GLUL: variants seen among roughly 807,000 people sequenced by gnomAD.
GLUL encodes the protein glutamate-ammonia ligase.
A neutral mutation model predicts 36.9 loss-of-function variants in GLUL; 8 were observed. The observed-to-expected ratio is 0.22, with a 90% CI of 0.13 to 0.39. The LOEUF (loss-of-function observed/expected upper bound fraction) is 0.39. Among genes scored for constraint, GLUL ranks in the 10% least tolerant of loss-of-function variants. The probability of loss-of-function intolerance (pLI) is 1.00; values close to 1 mark genes in which losing one functional copy is unlikely to be tolerated. For missense variants in GLUL, 315 were observed against 501.8 expected (o/e 0.63, Z 3.56); for synonymous variants, 182 against 172.8 (o/e 1.05, Z -0.42).
chr1:182,388,559 A>G lies in GLUL; in HGVS notation c.166+13T>C, dbSNP rs765736280. 6 of 1,612,496 alleles carry G rather than the reference A, an allele frequency of 3.7e-6. No homozygotes were observed. The Admixed American group carries it at 5.0e-5, about 13-fold the overall frequency. ...CCACCCAGCATGTGCTCCACTCCAC[A>G]TTGCTGTCTCACCTTCCACACACTT... On this transcript the variant is annotated intron_variant, in intron 2 of 6. Transcript: ENST00000331872.
At position 182,379,424 on chromosome 1, in the gene GLUL, T is replaced by C. The variant is rs1649847209; in HGVS notation, c.*4981A>G. ...TTTTAATAGAGACAAGGTTTCACCATGTTGGCCACGCTGGTCTCGAACTCC... is the reference window on the plus strand; with the variant it reads ...TTTTAATAGAGACAAGGTTTCACCACGTTGGCCACGCTGGTCTCGAACTCC... On this transcript the variant is annotated 3_prime_UTR_variant, in exon 7 of 7. Coordinates refer to ENST00000331872, the MANE Select transcript of GLUL (RefSeq NM_001033044.4). 6.6e-6 allele frequency among the ~76,000 whole-genome samples: 1 copy of C among 152,102 alleles called. No homozygotes were observed. The highest frequency in any genetic ancestry group is 1.5e-5 in the Non-Finnish European group (1 of 68,010).
At position 182,382,651 on chromosome 1, in the gene GLUL, G is replaced by A. The variant is rs1255236048; in HGVS notation, c.*1754C>T. 1.3e-5 allele frequency: 2 copies of A among 152,208 alleles called. No homozygotes were observed. The highest frequency in any genetic ancestry group is 6.5e-5 in the Admixed American group (1 of 15,272). The allele number at this position is 152,208 out of a possible 1,614,324, so 9.4% of individuals were successfully genotyped here. A position where few individuals can be genotyped will look rare whatever the true frequency, so the allele number is the denominator to read the frequency against. ...GGGGGAGGAGTGGGGCTTGTACCCT[G>A]CTACAAACCTCTAGGCTAGGAAATG... On this transcript the variant is annotated 3_prime_UTR_variant, in exon 7 of 7. Transcript: ENST00000331872.
rs746462477 is a variant in GLUL at position 182,384,363 on chromosome 1, TG to T, written c.*41del. On this transcript the variant is annotated 3_prime_UTR_variant, in exon 7 of 7. Transcript: ENST00000331872. Reference sequence around the variant, plus strand: ...GAGAGGGGGAAGAGTTGGAGTGGGATGAAGAACTAGGAGGGGCTCAACAGCT... The same window carrying T: ...GAGAGGGGGAAGAGTTGGAGTGGGATAAGAACTAGGAGGGGCTCAACAGCT... 18 of 1,327,584 alleles carry T rather than the reference TG, an allele frequency of 1.4e-5. No homozygotes were observed. The highest frequency in any genetic ancestry group is 1.8e-5 in the Non-Finnish European group (17 of 922,778). The allele number at this position is 1,327,584 out of a possible 1,614,324, so 82.2% of individuals were successfully genotyped here. A position where few individuals can be genotyped will look rare whatever the true frequency, so the allele number is the denominator to read the frequency against.
rs1202705704 is a variant in GLUL, at chr1:182,384,285, T to C, written c.*120A>G. The C allele has an allele frequency of 1.3e-6, 1 of 760,278 alleles. No individual in the cohort carries two copies. Among genetic ancestry groups the C allele is most frequent in the Non-Finnish European group, 2.3e-6 (1 of 427,200 alleles). The allele number at this position is 760,278 out of a possible 1,614,324, so 47.1% of individuals were successfully genotyped here. A position where few individuals can be genotyped will look rare whatever the true frequency, so the allele number is the denominator to read the frequency against. Reference sequence around the variant, plus strand: ...AGCAAGATTAACTGGGCACATGGAATGAAAAAAACGACCTTGATATTCCAC... The same window carrying C: ...AGCAAGATTAACTGGGCACATGGAACGAAAAAAACGACCTTGATATTCCAC... On this transcript the variant is annotated 3_prime_UTR_variant, in exon 7 of 7. Coordinates refer to ENST00000331872, the MANE Select transcript of GLUL (RefSeq NM_001033044.4).
Position 182,384,583 on chromosome 1 carries a change from C to G in GLUL, c.944G>C (p.Gly315Ala). The change falls in exon 7 of 7, where the codon GGT becomes GCT. Residue 315 changes from glycine (G) to alanine (A), a missense_variant. Coordinates refer to ENST00000331872, the MANE Select transcript of GLUL (RefSeq NM_001033044.4). ...ETSNINDFSA[G>A]VANRSASIRI... ...TATGCTGGCGCTACGATTGGCTACA[C>G]CAGCAGAAAAGTCGTTGATGTTGGA... 1.2e-6 allele frequency: 2 copies of G among 1,614,158 alleles called. No individual in the cohort carries two copies. Among genetic ancestry groups the G allele is most frequent in the Non-Finnish European group, 1.7e-6 (2 of 1,180,020 alleles).
rs1474238472 is a variant in GLUL, at chr1:182,384,288, A to T, written c.*117T>A. On this transcript the variant is annotated 3_prime_UTR_variant, in exon 7 of 7. Transcript: ENST00000331872. ...AAGATTAACTGGGCACATGGAATGA[A>T]AAAAACGACCTTGATATTCCACCCT... is the stretch of plus-strand genomic sequence containing the variant. The T allele has an allele frequency of 2.5e-6, 2 of 785,836 alleles. No homozygotes were observed. The highest frequency in any genetic ancestry group is 4.4e-6 in the Non-Finnish European group (2 of 450,098). The allele number at this position is 785,836 out of a possible 1,614,324, so 48.7% of individuals were successfully genotyped here.
intron 6 of GLUL, chr1:182,384,931 T>C (rs1336374697): frequency 8.2e-6 from 5 of 606,872 alleles, no homozygotes. Flanking sequence ...TTTGAAACTT[T>C]CTCCCCCTCA....
intron 1 of GLUL, 166 bp from the exon 2 acceptor site, chr1:182,388,916 G>T (rs947174012): frequency 9.0e-5 from 59 of 655,146 alleles, no homozygotes; most frequent in Non-Finnish European, 1.6e-4. Context: ...TCTTTCAGGG[G>T]GATTAGTTTT....
chr1:182,384,989 T>C, intron 6 of GLUL: 1 of 452,352 alleles, frequency 2.2e-6, no homozygotes, highest in South Asian at 2.8e-5. Context: ...AATTTAGTTC[T>C]AAAAGATTTT....
rs1571398468 is a variant in GLUL, at chr1:182,379,504, T to C, written c.*4901A>G. On this transcript the variant is annotated 3_prime_UTR_variant, in exon 7 of 7. Transcript: ENST00000331872. ...TCCCAAAGTGCTAGGATTACAGGCTTGAGCCACCACACCCAGCCTAAACTG... is the reference window on the plus strand; with the variant it reads ...TCCCAAAGTGCTAGGATTACAGGCTCGAGCCACCACACCCAGCCTAAACTG... 6.6e-6 allele frequency among the ~76,000 whole-genome samples: 1 copy of C among 152,140 alleles called. No individual in the cohort carries two copies. The highest frequency in any genetic ancestry group is 1.5e-5 in the Non-Finnish European group (1 of 68,034).
rs1649985253 is a variant in GLUL at position 182,382,627 on chromosome 1, G to C, written c.*1778C>G. On this transcript the variant is annotated 3_prime_UTR_variant, in exon 7 of 7. Coordinates refer to ENST00000331872, the MANE Select transcript of GLUL (RefSeq NM_001033044.4). ...ACCAAACTCAGGGGAGCAAAGGAAG[G>C]GGGAGGAGTGGGGCTTGTACCCTGC... 3 of 152,538 alleles carry C rather than the reference G, an allele frequency of 2.0e-5. No individual in the cohort carries two copies. Among genetic ancestry groups the C allele is most frequent in the South Asian group, 4.1e-4 (2 of 4,832 alleles). 9.4% of individuals were successfully genotyped at this position (152,538 alleles called of 1,614,324 possible). A position where few individuals can be genotyped will look rare whatever the true frequency, so the allele number is the denominator to read the frequency against.
At chr1:182,385,015 G>A (rs1650110613) in intron 6 of GLUL, 2 of 383,632 alleles carry the variant, frequency 5.2e-6, no homozygotes, top group East Asian at 5.2e-5. Flanking sequence ...GCATGAATTT[G>A]TCAACTTTTC....
At chr1:182,390,851 C>G (rs1298460785) in intron 1 of GLUL, 2 of 399,078 alleles carry the variant, frequency 5.0e-6, no homozygotes, top group African/African-American at 2.1e-5. Context: ...GGAGGATCCC[C>G]GCTTCCCGCC....
chr1:182,382,499 ACT>A lies in GLUL; in HGVS notation c.*1904_*1905del. ...GGGTAGCTAATATTTGTTTCTTATC[ACT>A]GAGAGCAGAGAATAGAAATCGTAAA... On this transcript the variant is annotated 3_prime_UTR_variant, in exon 7 of 7. Transcript: ENST00000331872. The A allele has an allele frequency of 1.1e-5, 1 of 93,080 alleles. No homozygotes were observed. The highest frequency in any genetic ancestry group is 4.5e-5 in the African/African-American group (1 of 22,202). 5.8% of individuals were successfully genotyped at this position (93,080 alleles called of 1,614,324 possible). A position where few individuals can be genotyped will look rare whatever the true frequency, so the allele number is the denominator to read the frequency against.
rs147628357 is a variant in GLUL, at chr1:182,390,676, G to A, written c.-14+1003C>T. 2.4e-4 allele frequency: 95 copies of A among 399,450 alleles called. 1 individual carries two copies. The East Asian group carries it at 3.2e-3, about 14-fold the overall frequency. The allele number at this position is 399,450 out of a possible 1,614,324, so 24.7% of individuals were successfully genotyped here. ...GGCCGGCCCGGGGGGTGTCCGAACA[G>A]GCAGGTTGGTGGGTTAAGGTCTTAA... On this transcript the variant is annotated intron_variant, in intron 1 of 6. Transcript: ENST00000331872.
chr1:182,391,064 C>G, intron 1 of GLUL: 1 of 397,648 alleles, frequency 2.5e-6, no homozygotes, highest in Non-Finnish European at 4.4e-6. Flanking sequence ...TGCCTCCGCC[C>G]GGACCGGCTT....
intron 6 of GLUL, chr1:182,385,033 C>A: frequency 6.5e-6 from 2 of 309,074 alleles, no homozygotes; most frequent in Non-Finnish European, 1.1e-5. Flanking sequence ...TTCCCTGTCA[C>A]CATGACATAT....
intron 1 of GLUL, chr1:182,391,099 G>C (rs1209700376): frequency 3.5e-5 from 14 of 398,340 alleles, no homozygotes; most frequent in Middle Eastern, 6.2e-4. Flanking sequence ...CCGAGGCCCG[G>C]GCTCTCCATT....
rs1465000527 is a variant in GLUL at position 182,380,874 on chromosome 1, G to C, written c.*3531C>G. Among the ~76,000 whole-genome samples the C allele has an allele frequency of 3.9e-5, 6 of 152,230 alleles. No individual in the cohort carries two copies. The highest frequency in any genetic ancestry group is 2.4e-5 in the African/African-American group (1 of 41,464). ...GGCAGCAAGTTACTTTCACTTAGTG[G>C]TAAAAGGGCCAAGAATAGTTCAGGA... is the stretch of plus-strand genomic sequence containing the variant. On this transcript the variant is annotated 3_prime_UTR_variant, in exon 7 of 7. Transcript: ENST00000331872.
Sources: allele counts gnomAD v4.1 joint callset (sites outside exome capture counted in the v4.1 genomes callset), GRCh38; gene constraint gnomAD v4.1.1; transcripts MANE v1.5; gene names NCBI Gene and HGNC (gene_info 2026-07-23, HGNC 2026-07-21).